Variants in PRKACA observed in about 807,000 individuals in gnomAD.
PRKACA encodes protein kinase cAMP-activated catalytic subunit alpha.
Under a neutral mutation model 45.8 loss-of-function variants are expected in PRKACA, and 9 were observed. The observed-to-expected ratio is 0.20, with a 90% CI of 0.12 to 0.34. The LOEUF (loss-of-function observed/expected upper bound fraction) is 0.34, where lower values mean the gene tolerates loss of function less well. PRKACA is among the 10% of genes least tolerant of loss of function. The pLI, the probability that PRKACA is intolerant of heterozygous loss-of-function variation, is 1.00. For missense variants in PRKACA, 238 were observed against 458.6 expected (o/e 0.52, Z 4.39); for synonymous variants, 160 against 178.6 (o/e 0.90, Z 0.83).
Position 14,102,830 on chromosome 19 carries a change from C to T in PRKACA, c.322G>A (p.Glu108Lys), listed in dbSNP as rs766631376. 4 of 1,613,980 alleles carry T rather than the reference C, an allele frequency of 2.5e-6. No homozygotes were observed. Among genetic ancestry groups the T allele is most frequent in the Non-Finnish European group, 2.5e-6 (3 of 1,179,876 alleles). ...TGGGACCCCACCTTGAAGGAGAACT[C>T]GAGTTTGACGAGGAACGGAAAGTTG... is the stretch of plus-strand genomic sequence containing the variant. ...AVNFPFLVKL[E>K]FSFKDNSNLY... The change falls in exon 4 of 10, where the codon GAG becomes AAG. Residue 108 changes from glutamate to lysine, a missense_variant. Glu to Lys is a moderately conservative substitution (Grantham distance 56, BLOSUM62 1). This residue lies in a region of PRKACA where 93 missense variants were observed against 149.1 expected (regional missense o/e 0.62). Coordinates refer to ENST00000308677, the MANE Select transcript of PRKACA (RefSeq NM_002730.4).
intron 1 of PRKACA, among the ~76,000 whole-genome samples, chr19:14,110,572 A>C (rs1966938066): frequency 6.8e-6 from 1 of 148,080 alleles, no homozygotes; most frequent in African/African-American, 2.5e-5. Flanking sequence ...GCCCTGTCTC[A>C]AAAAAAAAAG....
intron 1 of PRKACA, among the ~76,000 whole-genome samples, chr19:14,115,902 A>G (rs1402942598): frequency 1.3e-5 from 2 of 150,978 alleles, no homozygotes; most frequent in African/African-American, 2.4e-5. Context: ...CTCCAAGCTC[A>G]TGCCCAGACC....
At chr19:14,099,195 G>T (rs1476308635) in intron 5 of PRKACA, among the ~76,000 whole-genome samples, 1 of 152,168 alleles carries the variant, frequency 6.6e-6, no homozygotes, top group Non-Finnish European at 1.5e-5. Flanking sequence ...GGGAGGCTGA[G>T]ACAAGAGAAT....
At position 14,093,637 on chromosome 19, in the gene PRKACA, G is replaced by A. The variant is rs200573717; in HGVS notation, c.921C>T (p.Tyr307=). The change falls in exon 9 of 10, where the codon TAC becomes TAT. Residue 307 remains tyrosine (Y), a synonymous_variant. Transcript: ENST00000308677. ...WFATTDWIAI[Y]QRKVEAPFIP... is the part of the protein sequence containing the mutation. ...AGGAGGGGAGGCCCACCTTCCTCTGGTAGATGGCAATCCAGTCAGTTGTGG... is the reference window on the plus strand; with the variant it reads ...AGGAGGGGAGGCCCACCTTCCTCTGATAGATGGCAATCCAGTCAGTTGTGG... 5.6e-6 allele frequency: 9 copies of A among 1,613,458 alleles called. No individual in the cohort carries two copies. In the East Asian group the frequency reaches 1.8e-4, roughly 32 times the overall value.
chr19:14,114,329 G>A, intron 1 of PRKACA: 1 of 776,690 alleles, frequency 1.3e-6, no homozygotes, highest in South Asian at 1.6e-5. Flanking sequence ...TGTGGAGGAG[G>A]GACAGATAGG....
rs1327508846 is a variant in PRKACA, at chr19:14,097,208, CAG to C, written c.765+151_765+152del. 6.6e-6 allele frequency: 8 copies of C among 1,206,116 alleles called. No individual in the cohort carries two copies. The highest frequency in any genetic ancestry group is 9.4e-6 in the Non-Finnish European group (8 of 849,094). The allele number at this position is 1,206,116 out of a possible 1,614,324, so 74.7% of individuals were successfully genotyped here. ...GCAAGGGGGCTTGAGGTGTTGGCCT[CAG>C]TGTGGCCGGCGCGTCCAGCTTCACC... is the stretch of plus-strand genomic sequence containing the variant. On this transcript the variant is annotated intron_variant, in intron 8 of 9. Coordinates refer to ENST00000308677, the MANE Select transcript of PRKACA (RefSeq NM_002730.4). This position sits in a 1 kb window ranked among gnomAD's most constrained non-coding sequence, Gnocchi z 5.4.
At position 14,093,135 on chromosome 19, in the gene PRKACA, C is replaced by T. The variant is rs745937862; in HGVS notation, c.1033G>A (p.Gly345Ser). 3 of 1,611,216 alleles carry T rather than the reference C, an allele frequency of 1.9e-6. No individual in the cohort carries two copies. ...CCCTAAAACTCAGAAAACTCCTTGCCACACTTCTCATTGATGGAGACCCGG... is the reference window on the plus strand; with the variant it reads ...CCCTAAAACTCAGAAAACTCCTTGCTACACTTCTCATTGATGGAGACCCGG... The part of the protein sequence containing the change: ...EIRVSINEKC[G>S]KEFSEF The change falls in exon 10 of 10, where the codon GGC becomes AGC. Residue 345 changes from glycine to serine, a missense_variant. By Grantham distance (56) the Gly-to-Ser change is moderately conservative. Transcript: ENST00000308677.
intron 5 of PRKACA, 115 bp from the exon 6 acceptor site, chr19:14,098,005 C>G: frequency 4.5e-6 from 6 of 1,346,302 alleles, no homozygotes; most frequent in Non-Finnish European, 6.2e-6. Context: ...CCGTCAGAAA[C>G]GCAAGGCACC....
At chr19:14,109,249 A>G (rs1977700603) in intron 1 of PRKACA, among the ~76,000 whole-genome samples, 2 of 151,332 alleles carry the variant, frequency 1.3e-5, no homozygotes, top group Middle Eastern at 3.4e-3. Context: ...TTGGGAGGCC[A>G]AGGCGGGTAG....
rs1967060336 is a variant in PRKACA, at chr19:14,114,304, C to A, written c.46+3198G>T. ...GTGGGAGCAGGAAGAGAAACCCAAC[C>A]CAGAGGCCACTGGGTGTGGAGGAGG... On this transcript the variant is annotated intron_variant, in intron 1 of 9. Coordinates refer to ENST00000308677, the MANE Select transcript of PRKACA (RefSeq NM_002730.4). The A allele has an allele frequency of 1.8e-5, 18 of 1,015,506 alleles. No homozygotes were observed. The South Asian group carries it at 2.5e-4, about 14-fold the overall frequency. The allele number at this position is 1,015,506 out of a possible 1,614,324, so 62.9% of individuals were successfully genotyped here.
In PRKACA at chr19:14,097,209, A is replaced by G; in HGVS notation, c.765+152T>C. The G allele has an allele frequency of 2.5e-6, 3 of 1,212,456 alleles. No individual in the cohort carries two copies. Among genetic ancestry groups the G allele is most frequent in the Non-Finnish European group, 3.5e-6 (3 of 854,180 alleles). 75.1% of individuals were successfully genotyped at this position (1,212,456 alleles called of 1,614,324 possible). Reference sequence around the variant, plus strand: ...CAAGGGGGCTTGAGGTGTTGGCCTCAGTGTGGCCGGCGCGTCCAGCTTCAC... The same window carrying G: ...CAAGGGGGCTTGAGGTGTTGGCCTCGGTGTGGCCGGCGCGTCCAGCTTCAC... On this transcript the variant is annotated intron_variant, in intron 8 of 9. Transcript: ENST00000308677. This position sits in a 1 kb window ranked among gnomAD's most constrained non-coding sequence, Gnocchi z 5.4.
chr19:14,115,391 A>G (rs1967086669), intron 1 of PRKACA, among the ~76,000 whole-genome samples: 1 of 152,160 alleles, frequency 6.6e-6, no homozygotes, highest in Non-Finnish European at 1.5e-5. Flanking sequence ...GAAAAATGTC[A>G]AAGTCGGGGA....
intron 3 of PRKACA, among the ~76,000 whole-genome samples, chr19:14,105,310 G>A (rs930712651): frequency 3.3e-5 from 5 of 151,900 alleles, no homozygotes; most frequent in Admixed American, 2.0e-4. Context: ...TCAGGAGTTC[G>A]AGACCAACCT....
In PRKACA at chr19:14,092,657, G is replaced by A. The variant is rs981117577; in HGVS notation, c.*455C>T. The A allele has an allele frequency of 1.0e-5, 4 of 399,866 alleles. No homozygotes were observed. Among genetic ancestry groups the A allele is most frequent in the Admixed American group, 4.4e-5 (1 of 22,940 alleles). 24.8% of individuals were successfully genotyped at this position (399,866 alleles called of 1,614,324 possible). The stretch of plus-strand genomic sequence containing the variant: ...CCAGGCAGGATTACTCCGAAAGGAA[G>A]GTTGGCGCTTCGTTCATTTGCCCTT... On this transcript the variant is annotated 3_prime_UTR_variant, in exon 10 of 10. Coordinates refer to ENST00000308677, the MANE Select transcript of PRKACA (RefSeq NM_002730.4).
chr19:14,107,336 C>T lies in PRKACA; in HGVS notation c.108+12G>A, dbSNP rs749310959. 32 of 1,613,020 alleles carry T rather than the reference C, an allele frequency of 2.0e-5. No homozygotes were observed. In the Admixed American group the frequency reaches 2.0e-4, roughly 10 times the overall value. ...CTCACCCCTCCCTGGGCTCTGCACCCGGCAGCCTTACCTGAGCGGGACTTT... is the reference window on the plus strand; with the variant it reads ...CTCACCCCTCCCTGGGCTCTGCACCTGGCAGCCTTACCTGAGCGGGACTTT... On this transcript the variant is annotated intron_variant, in intron 2 of 9. Transcript: ENST00000308677.
In PRKACA at chr19:14,103,946, C is replaced by T. The variant is rs1419091139; in HGVS notation, c.238-1032G>A. 7.2e-5 allele frequency among the ~76,000 whole-genome samples: 11 copies of T among 152,196 alleles called. No individual in the cohort carries two copies. The East Asian group carries it at 9.7e-4, about 13-fold the overall frequency. On this transcript the variant is annotated intron_variant, in intron 3 of 9. Coordinates refer to ENST00000308677, the MANE Select transcript of PRKACA (RefSeq NM_002730.4). ...CAAAAGCAATTAGCTGGGCATGGCA[C>T]GACTATGGTCCCAGCAGCTCCAGAG...
chr19:14,093,070 G>GA lies in PRKACA; in HGVS notation c.*41dup, dbSNP rs777513827. On this transcript the variant is annotated 3_prime_UTR_variant, in exon 10 of 10. Coordinates refer to ENST00000308677, the MANE Select transcript of PRKACA (RefSeq NM_002730.4). Reference sequence around the variant, plus strand: ...CTCCCACCCCCCCGACCAAAAAAAAGAAAAAAGAAAAAAGAAAACCCATGG... The same window carrying GA: ...CTCCCACCCCCCCGACCAAAAAAAAGAAAAAAAGAAAAAAGAAAACCCATGG... 4.5e-5 allele frequency: 14 copies of GA among 313,166 alleles called. No individual in the cohort carries two copies. The highest frequency in any genetic ancestry group is 5.8e-5 in the Non-Finnish European group (14 of 240,600). The allele number at this position is 313,166 out of a possible 1,614,324, so 19.4% of individuals were successfully genotyped here. A position where few individuals can be genotyped will look rare whatever the true frequency, so the allele number is the denominator to read the frequency against.
chr19:14,114,722 A>G (rs1382141356), intron 1 of PRKACA, among the ~76,000 whole-genome samples: 1 of 152,010 alleles, frequency 6.6e-6, no homozygotes, highest in African/African-American at 2.4e-5. Context: ...CCTGGGCCTT[A>G]GTCTTTTTTC....
intron 1 of PRKACA, among the ~76,000 whole-genome samples, chr19:14,108,737 T>A (rs145122732): frequency 0.036 from 5,292 of 148,676 alleles, 113 homozygotes; most frequent in Non-Finnish European, 0.038. Flanking sequence ...TATTATTATT[T>A]TTTTTTTTGA....
Sources: allele counts gnomAD v4.1 joint callset (sites outside exome capture counted in the v4.1 genomes callset), GRCh38; gene constraint gnomAD v4.1.1; regional missense constraint gnomAD v4.1.1; non-coding constraint Gnocchi (gnomAD v3.1); transcripts MANE v1.5; gene names NCBI Gene and HGNC (gene_info 2026-07-23, HGNC 2026-07-21).